The following BMERB1 variants were observed in gnomAD, a reference collection of about 807,000 sequenced individuals.
The protein encoded by BMERB1 is bMERB domain-containing protein 1.
Under a neutral mutation model 23.6 loss-of-function variants are expected in BMERB1, and 12 were observed. The ratio of observed to expected loss-of-function variants is 0.51; its 90% CI spans 0.33 to 0.82. BMERB1 has a LOEUF of 0.82. Among genes scored for constraint, BMERB1 ranks in the 40% least tolerant of loss-of-function variants. BMERB1 has a pLI of 0.03. For synonymous variants in BMERB1, 122 were observed against 96.6 expected (o/e 1.26, Z -1.54); for missense variants, 247 against 255.4 (o/e 0.97, Z 0.22).
intron 1 of BMERB1, chr16:15,448,020 G>A: frequency 2.4e-6 from 1 of 416,538 alleles, no homozygotes; most frequent in South Asian, 1.7e-5. Context: ...CTCCTGAGTA[G>A]CCGGAATTAC....
chr16:15,526,650 C>T lies in BMERB1; in HGVS notation c.230+11222C>T, dbSNP rs181105407. Among the ~76,000 whole-genome samples the T allele has an allele frequency of 6.6e-3, 809 of 122,344 alleles. 7 individuals carry two copies. Among genetic ancestry groups the T allele is most frequent in the African/African-American group, 0.025 (757 of 29,902 alleles). 80.3% of individuals were successfully genotyped at this position (122,344 alleles called of 152,430 possible). On this transcript the variant is annotated intron_variant, in intron 2 of 5. Coordinates refer to ENST00000300006, the MANE Select transcript of BMERB1 (RefSeq NM_033201.3). ...CTGCACTCCAGCCTGGGCAACAGAG[C>T]GAGACTGCATCTCAAAAAAAAAAAA...
intron 2 of BMERB1, among the ~76,000 whole-genome samples, chr16:15,551,823 G>GGA (rs2030101517): frequency 6.6e-6 from 1 of 152,200 alleles, no homozygotes; most frequent in Non-Finnish European, 1.5e-5. Context: ...CGTGGCGGCA[G>GGA]GAGAGAGACA....
At chr16:15,463,650 C>T (rs1357169256) in intron 1 of BMERB1, among the ~76,000 whole-genome samples, 1 of 152,090 alleles carries the variant, frequency 6.6e-6, no homozygotes, top group Non-Finnish European at 1.5e-5. Context: ...AACAATGAAT[C>T]GTAGTAACTT....
At chr16:15,490,705 C>T (rs1314130081) in intron 1 of BMERB1, among the ~76,000 whole-genome samples, 2 of 152,210 alleles carry the variant, frequency 1.3e-5, no homozygotes, top group East Asian at 1.9e-4. Context: ...CAATTCTGTG[C>T]GAACAGCACC....
At chr16:15,472,127 C>T (rs2051233890) in intron 1 of BMERB1, among the ~76,000 whole-genome samples, 1 of 152,088 alleles carries the variant, frequency 6.6e-6, no homozygotes, top group African/African-American at 2.4e-5. Context: ...GAATATAACA[C>T]ATAATTTTAA....
chr16:15,577,992 C>A (rs1031728755), intron 3 of BMERB1, among the ~76,000 whole-genome samples: 1 of 152,168 alleles, frequency 6.6e-6, no homozygotes, highest in African/African-American at 2.4e-5. Flanking sequence ...CCAGCTGTGA[C>A]CAATTATTAT....
intron 2 of BMERB1, chr16:15,533,009 T>A (rs930987262): frequency 4.4e-6 from 2 of 455,746 alleles, no homozygotes; most frequent in African/African-American, 4.0e-5. Flanking sequence ...TGCACAAATA[T>A]CTTACCTTCT....
At chr16:15,488,817 CAA>C (rs1407097556) in intron 1 of BMERB1, among the ~76,000 whole-genome samples, 6 of 47,572 alleles carry the variant, frequency 1.3e-4, no homozygotes, top group Non-Finnish European at 8.6e-5. Context: ...GACTCCGTCT[CAA>C]AAAAAAAAAA....
chr16:15,546,632 G>A (rs1181973366), intron 2 of BMERB1, among the ~76,000 whole-genome samples: 1 of 152,156 alleles, frequency 6.6e-6, no homozygotes, highest in Non-Finnish European at 1.5e-5. Flanking sequence ...ATGTCCACGT[G>A]TAAGTGTGCG....
chr16:15,535,849 G>A (rs1222659736), intron 2 of BMERB1, among the ~76,000 whole-genome samples: 1 of 152,068 alleles, frequency 6.6e-6, no homozygotes, highest in African/African-American at 2.4e-5. Context: ...TTACAATCAT[G>A]GCAGAAGGGG....
chr16:15,448,529 T>TA (rs2051011006), intron 1 of BMERB1, among the ~76,000 whole-genome samples: 1 of 152,126 alleles, frequency 6.6e-6, no homozygotes, highest in South Asian at 2.1e-4. Context: ...CGCAGTGGCT[T>TA]ACGCCTGTAT....
At chr16:15,440,776 G>C (rs140436249) in intron 1 of BMERB1, among the ~76,000 whole-genome samples, 1 of 152,168 alleles carries the variant, frequency 6.6e-6, no homozygotes, top group Non-Finnish European at 1.5e-5. Flanking sequence ...GAGATTTCTC[G>C]ACAAAGTCCC....
intron 1 of BMERB1, among the ~76,000 whole-genome samples, chr16:15,506,513 C>G (rs370310870): frequency 1.3e-4 from 20 of 152,106 alleles, no homozygotes; most frequent in Non-Finnish European, 2.4e-4. Context: ...ATTCATTTTA[C>G]CTGAGTTCCT....
chr16:15,507,088 A>T (rs1288103962), intron 1 of BMERB1, among the ~76,000 whole-genome samples: 1 of 152,202 alleles, frequency 6.6e-6, no homozygotes, highest in Non-Finnish European at 1.5e-5. Context: ...AAGCAGAAGT[A>T]AAGGCAGAGG....
At chr16:15,523,935 A>C (rs1017780992) in intron 2 of BMERB1, among the ~76,000 whole-genome samples, 1 of 151,962 alleles carries the variant, frequency 6.6e-6, no homozygotes, top group Non-Finnish European at 1.5e-5. Flanking sequence ...GGAGGTGCCA[A>C]CTCTCTTGAG....
intron 2 of BMERB1, among the ~76,000 whole-genome samples, chr16:15,542,309 G>A (rs977452614): frequency 4.2e-5 from 6 of 144,356 alleles, no homozygotes; most frequent in Admixed American, 6.6e-5. Flanking sequence ...GTGATCTGCC[G>A]GCCTGGACCT....
intron 1 of BMERB1, among the ~76,000 whole-genome samples, chr16:15,505,435 A>T (rs1038492399): frequency 6.6e-6 from 1 of 152,246 alleles, no homozygotes; most frequent in Non-Finnish European, 1.5e-5. Context: ...TTCAAGCTTC[A>T]TTCTGAACCT....
At chr16:15,552,692 G>A (rs1038798370) in intron 2 of BMERB1, among the ~76,000 whole-genome samples, 2 of 152,024 alleles carry the variant, frequency 1.3e-5, no homozygotes, top group Admixed American at 6.5e-5. Context: ...CTGCTGTCTC[G>A]CCACATGGCC....
intron 1 of BMERB1, among the ~76,000 whole-genome samples, chr16:15,453,550 C>T (rs904088742): frequency 2.0e-5 from 3 of 152,130 alleles, no homozygotes; most frequent in Non-Finnish European, 4.4e-5. Context: ...CCACTGCACT[C>T]CAGCCTGGGC....
Sources: gnomAD v4.1 joint callset for allele counts (sites outside exome capture counted in the v4.1 genomes callset) on GRCh38, gnomAD v4.1.1 for gene constraint, MANE v1.5 for transcripts, NCBI Gene and HGNC (gene_info 2026-07-23, HGNC 2026-07-21) for gene names.